GAD1: variants seen among roughly 807,000 people sequenced by gnomAD.
GAD1 encodes the protein glutamate decarboxylase 1, also known as 67 kDa glutamic acid decarboxylase.
A neutral mutation model predicts 75.2 loss-of-function variants in GAD1; 35 were observed. That is an observed-to-expected ratio of 0.47 (90% confidence interval 0.36 to 0.62). GAD1 has a LOEUF of 0.62. GAD1 is among the 20% of genes least tolerant of loss of function. GAD1 has a pLI of 0.00. For missense variants in GAD1, 490 were observed against 758.5 expected (o/e 0.65, Z 4.16); for synonymous variants, 257 against 271.9 (o/e 0.95, Z 0.54).
intron 3 of GAD1, among the ~76,000 whole-genome samples, chr2:170,827,318 G>A (rs1490947040): frequency 2.0e-5 from 3 of 152,198 alleles, no homozygotes; most frequent in African/African-American, 7.2e-5. Context: ...GTGTGACTCC[G>A]CAAGTTTCTT....
upstream of GAD1, among the ~76,000 whole-genome samples, chr2:170,815,084 T>C (rs972881106): frequency 5.3e-5 from 8 of 152,176 alleles, no homozygotes; most frequent in African/African-American, 1.9e-4. Flanking sequence ...GCTCCCTGAT[T>C]GGTGCGAGCG....
intron 2 of GAD1, among the ~76,000 whole-genome samples, chr2:170,819,709 G>A (rs1409500360): frequency 6.6e-6 from 1 of 151,406 alleles, no homozygotes; most frequent in Non-Finnish European, 1.5e-5. Context: ...TTATTTCTGA[G>A]ATGTAATTAA....
chr2:170,848,585 G>C lies in GAD1; in HGVS notation c.1120-701G>C, dbSNP rs1203117546. On this transcript the variant is annotated intron_variant, in intron 11 of 16. Transcript: ENST00000358196. Reference sequence around the variant, plus strand: ...ATACGGAAGGCATTATCAACTAAGAGACTTAATCCCAAATCTTCCCAGGAA... The same window carrying C: ...ATACGGAAGGCATTATCAACTAAGACACTTAATCCCAAATCTTCCCAGGAA... 7 of 439,926 alleles carry C rather than the reference G, an allele frequency of 1.6e-5. No homozygotes were observed. In the East Asian group the frequency reaches 3.2e-4, roughly 20 times the overall value. The allele number at this position is 439,926 out of a possible 1,614,324, so 27.3% of individuals were successfully genotyped here.
At chr2:170,851,983 T>C (rs961437300) in intron 12 of GAD1, among the ~76,000 whole-genome samples, 20 of 152,048 alleles carry the variant, frequency 1.3e-4, no homozygotes, top group African/African-American at 4.8e-4. Flanking sequence ...CATAAGTGGG[T>C]AGGGCAGCAT....
Position 170,818,683 on chromosome 2 carries a change from G to A in GAD1, c.82+10G>A. 1 of 1,613,508 alleles carries A rather than the reference G, an allele frequency of 6.2e-7. No homozygotes were observed. Among genetic ancestry groups the A allele is most frequent in the Non-Finnish European group, 8.5e-7 (1 of 1,179,450 alleles). On this transcript the variant is annotated intron_variant, in intron 2 of 16. Transcript: ENST00000358196. This position sits in a 1 kb window ranked among gnomAD's most constrained non-coding sequence, Gnocchi z 5.9. ...AACCTGCGCCCCACAAGTAGGTCCCGCCCCAATTTTCTATCAAATGAACTG... is the reference window on the plus strand; with the variant it reads ...AACCTGCGCCCCACAAGTAGGTCCCACCCCAATTTTCTATCAAATGAACTG...
intron 5 of GAD1, among the ~76,000 whole-genome samples, chr2:170,834,076 T>C (rs1420727375): frequency 2.0e-5 from 3 of 152,148 alleles, no homozygotes; most frequent in Non-Finnish European, 4.4e-5. Flanking sequence ...CTTAGGTACT[T>C]AGCCTGCAAA....
At chr2:170,842,871 A>G in intron 6 of GAD1, 1 of 702,534 alleles carries the variant, frequency 1.4e-6, no homozygotes, top group Non-Finnish European at 2.3e-6. Context: ...CTTATGTAAA[A>G]CAATAGTTAT....
At chr2:170,843,644 A>C (rs902798947) in intron 6 of GAD1, among the ~76,000 whole-genome samples, 7 of 149,968 alleles carry the variant, frequency 4.7e-5, no homozygotes, top group African/African-American at 1.7e-4. Context: ...TTTTAAACAA[A>C]TTGTAAACCA....
intron 3 of GAD1, among the ~76,000 whole-genome samples, chr2:170,823,396 C>T (rs1220902944): frequency 6.6e-6 from 1 of 152,222 alleles, no homozygotes; most frequent in Non-Finnish European, 1.5e-5. Context: ...TGCTTGGCCG[C>T]GCCGCGCCCT....
intron 5 of GAD1, among the ~76,000 whole-genome samples, chr2:170,832,743 A>G (rs1702273579): frequency 6.6e-6 from 1 of 151,852 alleles, no homozygotes; most frequent in Non-Finnish European, 1.5e-5. Context: ...AACTTAGGAC[A>G]CTCTGAGTCA....
intron 12 of GAD1, among the ~76,000 whole-genome samples, chr2:170,850,494 G>A (rs532591972): frequency 6.6e-6 from 1 of 152,346 alleles, no homozygotes; most frequent in African/African-American, 2.4e-5. Flanking sequence ...GAGGATCAAA[G>A]AGGCCATTGG....
At position 170,824,416 on chromosome 2, in the gene GAD1, CACA is replaced by C. The variant is rs1559269612; in HGVS notation, c.145+2268_145+2270del. Among the ~76,000 whole-genome samples the C allele has an allele frequency of 5.4e-5, 8 of 148,450 alleles. 1 individual carries two copies. The highest frequency in any genetic ancestry group is 2.0e-4 in the East Asian group (1 of 5,116). ...ACACACACACACACACACACACACA[CACA>C]CCCCTCCCTTCATCCCTGGAGGGAT... is the stretch of plus-strand genomic sequence containing the variant. On this transcript the variant is annotated intron_variant, in intron 3 of 16. Transcript: ENST00000358196.
In GAD1 at chr2:170,853,318, C is replaced by A. The variant is rs1026386317; in HGVS notation, c.1263+526C>A. Reference sequence around the variant, plus strand: ...CACATGCCTAATGTTAGGATCCTGCCCTCCAAGGCTTTGTTGCTCCAGTAA... The same window carrying A: ...CACATGCCTAATGTTAGGATCCTGCACTCCAAGGCTTTGTTGCTCCAGTAA... On this transcript the variant is annotated intron_variant, in intron 13 of 16. Transcript: ENST00000358196. This position sits in a 1 kb window ranked among gnomAD's most constrained non-coding sequence, Gnocchi z 4.1. 4 of 200,570 alleles carry A rather than the reference C, an allele frequency of 2.0e-5. No homozygotes were observed. The highest frequency in any genetic ancestry group is 9.3e-5 in the African/African-American group (4 of 43,008). The allele number at this position is 200,570 out of a possible 1,614,324, so 12.4% of individuals were successfully genotyped here.
Position 170,857,132 on chromosome 2 carries a change from AATC to A in GAD1, c.1521+13_1521+15del. Reference sequence around the variant, plus strand: ...GATGGTTTTCAATGGCGAGGTAGGTAATCATCATGGACCAGGTACACAGTATTT... The same window carrying A: ...GATGGTTTTCAATGGCGAGGTAGGTAATCATGGACCAGGTACACAGTATTT... On this transcript the variant is annotated splice_region_variant and intron_variant, in intron 15 of 16. Transcript: ENST00000358196. 6.2e-7 allele frequency: 1 copy of A among 1,600,992 alleles called. No homozygotes were observed. The highest frequency in any genetic ancestry group is 8.6e-7 in the Non-Finnish European group (1 of 1,168,262).
Position 170,853,954 on chromosome 2 carries a change from G to A in GAD1, c.1345G>A (p.Gly449Arg). 6 of 1,614,012 alleles carry A rather than the reference G, an allele frequency of 3.7e-6. No individual in the cohort carries two copies. The highest frequency in any genetic ancestry group is 5.1e-6 in the Non-Finnish European group (6 of 1,179,952). Reference protein sequence around the residue: ...DKQYDVSYDTGDKAIQCGRHV... With the variant: ...DKQYDVSYDTRDKAIQCGRHV... The stretch of plus-strand genomic sequence containing the variant: ...GCAGTATGATGTCTCCTACGACACC[G>A]GGGACAAGGCAATTCAGTGTGGCCG... The change falls in exon 14 of 17, where the codon GGG becomes AGG. Residue 449 changes from glycine to arginine, a missense_variant. Coordinates refer to ENST00000358196, the MANE Select transcript of GAD1 (RefSeq NM_000817.3). The surrounding 1 kb of genome is among the most constrained non-coding windows in gnomAD (Gnocchi z 4.1).
intron 3 of GAD1, 40 bp downstream of exon 3, chr2:170,822,189 G>A: frequency 6.4e-7 from 1 of 1,573,002 alleles, no homozygotes; most frequent in Non-Finnish European, 8.7e-7. Context: ...TGGGTGGCGC[G>A]GCGGGCGGAC....
At chr2:170,832,564 G>T (rs1411170129) in intron 5 of GAD1, among the ~76,000 whole-genome samples, 2 of 152,044 alleles carry the variant, frequency 1.3e-5, no homozygotes, top group Non-Finnish European at 2.9e-5. Context: ...ATATCTTTTT[G>T]AGGAACACAA....
chr2:170,849,265 C>T (rs1250594758), intron 11 of GAD1, 21 bp from the exon 12 acceptor site: 1 of 1,612,618 alleles, frequency 6.2e-7, no homozygotes, highest in Admixed American at 1.7e-5. Context: ...CCCTCTTCCT[C>T]TCCTTTCTCT....
At chr2:170,819,211 T>A (rs1701798675) in intron 2 of GAD1, among the ~76,000 whole-genome samples, 1 of 151,996 alleles carries the variant, frequency 6.6e-6, no homozygotes, top group South Asian at 2.1e-4. Flanking sequence ...ATTGACGAGT[T>A]AGGGAGAAGT....
Sources: allele counts gnomAD v4.1 joint callset (sites outside exome capture counted in the v4.1 genomes callset), GRCh38; gene constraint gnomAD v4.1.1; non-coding constraint Gnocchi (gnomAD v3.1); transcripts MANE v1.5; gene names NCBI Gene and HGNC (gene_info 2026-07-23, HGNC 2026-07-21).